Variants in PPARGC1A observed in about 807,000 individuals in gnomAD.
PPARGC1A encodes PPARG coactivator 1 alpha.
A neutral mutation model predicts 88.7 loss-of-function variants in PPARGC1A; 25 were observed. The observed-to-expected ratio is 0.28, with a 90% CI of 0.21 to 0.39. PPARGC1A has a LOEUF of 0.39. PPARGC1A is among the 10% of genes least tolerant of loss of function. PPARGC1A has a pLI of 1.00. For missense variants in PPARGC1A, 880 were observed against 968.7 expected, an observed-to-expected ratio of 0.91 and a Z score of 1.22; for synonymous variants, 363 against 355.6, an observed-to-expected ratio of 1.02 and a Z score of -0.24.
the PPARGC1A span, among the ~76,000 whole-genome samples, chr4:23,921,429 G>C: frequency 6.6e-6 from 1 of 152,240 alleles, no homozygotes; most frequent in African/African-American, 2.4e-5. Context: ...AGCGTCTCCA[G>C]TTCTCGGCCT....
chr4:24,371,024 C>T, the PPARGC1A span, among the ~76,000 whole-genome samples: 1 of 151,984 alleles, frequency 6.6e-6, no homozygotes, highest in Non-Finnish European at 1.5e-5. Context: ...AGTGAGAACA[C>T]ATGGTGTTTG....
the PPARGC1A span, among the ~76,000 whole-genome samples, chr4:24,307,771 G>A: frequency 6.6e-6 from 1 of 152,158 alleles, no homozygotes; most frequent in African/African-American, 2.4e-5. Context: ...AGTCCCAGCT[G>A]ACTCTCGAGC....
chr4:24,145,281 C>A, the PPARGC1A span, among the ~76,000 whole-genome samples: 4 of 152,306 alleles, frequency 2.6e-5, no homozygotes, highest in South Asian at 8.3e-4. Flanking sequence ...CCCAGCCAGG[C>A]TGGCTTCAAA....
chr4:24,145,491 T>C, the PPARGC1A span, among the ~76,000 whole-genome samples: 1 of 152,208 alleles, frequency 6.6e-6, no homozygotes, highest in African/African-American at 2.4e-5. Flanking sequence ...CTTGACTCTA[T>C]TGCTGAGTTG....
At chr4:23,940,700 G>A in the PPARGC1A span, among the ~76,000 whole-genome samples, 2 of 152,112 alleles carry the variant, frequency 1.3e-5, no homozygotes, top group Non-Finnish European at 2.9e-5. Flanking sequence ...TCCATGAAAT[G>A]TTTGTAGTTA....
the PPARGC1A span, among the ~76,000 whole-genome samples, chr4:24,290,131 G>A: frequency 5.9e-5 from 9 of 152,092 alleles, no homozygotes; most frequent in African/African-American, 1.4e-4. Context: ...TCCCTCCCAC[G>A]ACATGTGGGA....
chr4:24,065,974 G>A, the PPARGC1A span, among the ~76,000 whole-genome samples: 6,360 of 152,236 alleles, frequency 0.042, 355 homozygotes, highest in African/African-American at 0.12. Context: ...GAGATACTAA[G>A]TTCCCACCAA....
chr4:24,352,841 G>T, the PPARGC1A span, among the ~76,000 whole-genome samples: 1 of 152,268 alleles, frequency 6.6e-6, no homozygotes, highest in African/African-American at 2.4e-5. Flanking sequence ...CATTTTATAT[G>T]CTTCTTCCCT....
chr4:24,327,727 C>G, the PPARGC1A span, among the ~76,000 whole-genome samples: 1 of 151,976 alleles, frequency 6.6e-6, no homozygotes, highest in South Asian at 2.1e-4. Context: ...GAAACATCAC[C>G]CAGTCTCTCT....
At chr4:24,466,607 T>C in the PPARGC1A span, among the ~76,000 whole-genome samples, 2 of 152,210 alleles carry the variant, frequency 1.3e-5, no homozygotes, top group African/African-American at 2.4e-5. Flanking sequence ...CAACAATTGA[T>C]AAATGTTAGT....
At chr4:24,288,843 T>C in the PPARGC1A span, among the ~76,000 whole-genome samples, 1 of 152,178 alleles carries the variant, frequency 6.6e-6, no homozygotes, top group African/African-American at 2.4e-5. Flanking sequence ...GAGAGACGAC[T>C]GCAAATATTC....
chr4:24,248,377 G>A, the PPARGC1A span, among the ~76,000 whole-genome samples: 1 of 151,802 alleles, frequency 6.6e-6, no homozygotes, highest in African/African-American at 2.4e-5. Flanking sequence ...TGCCCACCTC[G>A]GACTCCCAAA....
the PPARGC1A span, among the ~76,000 whole-genome samples, chr4:24,220,584 T>C: frequency 1.3e-5 from 2 of 152,144 alleles, no homozygotes; most frequent in African/African-American, 2.4e-5. Context: ...AACATGGATA[T>C]AGCTGGGGGC....
chr4:23,820,567 C>T (rs1468507852), intron 7 of PPARGC1A: 1 of 408,640 alleles, frequency 2.4e-6, no homozygotes, highest in African/African-American at 2.1e-5. Flanking sequence ...ATGCCTTCTG[C>T]CAAAAGAGCA....
chr4:24,317,351 T>C, the PPARGC1A span, among the ~76,000 whole-genome samples: 14 of 151,664 alleles, frequency 9.2e-5, no homozygotes, highest in African/African-American at 3.1e-4. Context: ...GTGTGACCAG[T>C]CCAGTGAAAC....
At chr4:24,271,154 T>A in the PPARGC1A span, among the ~76,000 whole-genome samples, 142 of 152,332 alleles carry the variant, frequency 9.3e-4, 1 homozygote, top group African/African-American at 3.3e-3. Flanking sequence ...TACTGTATGA[T>A]AATTTTAATT....
the PPARGC1A span, among the ~76,000 whole-genome samples, chr4:23,971,883 T>C: frequency 6.6e-6 from 1 of 152,222 alleles, no homozygotes; most frequent in Non-Finnish European, 1.5e-5. Context: ...CCAGACCATG[T>C]GTTTCAGGCA....
the PPARGC1A span, among the ~76,000 whole-genome samples, chr4:24,254,233 C>T: frequency 6.6e-6 from 1 of 152,118 alleles, no homozygotes; most frequent in Non-Finnish European, 1.5e-5. Flanking sequence ...TGCCTTGCAG[C>T]AACATGAAGA....
At chr4:24,267,175 C>T in the PPARGC1A span, among the ~76,000 whole-genome samples, 4 of 152,154 alleles carry the variant, frequency 2.6e-5, no homozygotes, top group South Asian at 8.3e-4. Flanking sequence ...CAACATTCCA[C>T]CCACCAACAA....
Sources: allele counts gnomAD v4.1 joint callset (sites outside exome capture counted in the v4.1 genomes callset), GRCh38; gene constraint gnomAD v4.1.1; transcripts MANE v1.5; gene names NCBI Gene and HGNC (gene_info 2026-07-23, HGNC 2026-07-21).